The following NHSL2 variants were observed in gnomAD, a reference collection of about 807,000 sequenced individuals.
NHSL2 encodes the protein NHS-like protein 2.
Under a neutral mutation model 53.4 loss-of-function variants are expected in NHSL2, and 27 were observed. The observed-to-expected ratio is 0.51, with a 90% confidence interval of 0.37 to 0.70. The LOEUF (loss-of-function observed/expected upper bound fraction) is 0.70. Among genes scored for constraint, NHSL2 ranks in the 30% least tolerant of loss-of-function variants. The pLI, the probability that NHSL2 is intolerant of heterozygous loss-of-function variation, is 0.00. For missense variants in NHSL2, 892 were observed against 980.1 expected (o/e 0.91, Z 1.20); for synonymous variants, 408 against 404.1 (o/e 1.01, Z -0.12).
Position 72,139,870 on chromosome X carries a change from A to G in NHSL2, c.2322A>G (p.Pro774=), listed in dbSNP as rs1225353114. 4 of 1,208,525 alleles carry G rather than the reference A, an allele frequency of 3.3e-6. No homozygotes were observed. Among genetic ancestry groups the G allele is most frequent in the Non-Finnish European group, 3.4e-6 (3 of 894,414 alleles). Residue 774 remains proline (P), a synonymous_variant, in exon 6 of 8, where the codon CCA becomes CCG. Coordinates refer to ENST00000633930, the MANE Select transcript of NHSL2 (RefSeq NM_001013627.3). ...AGTCACGGCTATCATTTGACCTACC[A>G]CTGACCTCTTCACCCAACCTGGATC... The part of the protein sequence containing the change: ...FPKSRLSFDL[P]LTSSPNLDLS...
intron 1 of NHSL2, among the ~76,000 whole-genome samples, chrX:71,994,163 A>G (rs761863103): frequency 2.7e-5 from 3 of 111,121 alleles, no homozygotes; most frequent in Non-Finnish European, 5.6e-5. Flanking sequence ...TCTATTGACT[A>G]CTCTGGCAAA....
intron 1 of NHSL2, among the ~76,000 whole-genome samples, chrX:71,963,967 A>ATG (rs1411927632): frequency 4.8e-4 from 3 of 6,212 alleles, no homozygotes; most frequent in Non-Finnish European, 7.7e-3. Flanking sequence ...ATACACATAT[A>ATG]TATATACATA....
At chrX:72,004,302 G>A (rs1396471251) in intron 1 of NHSL2, among the ~76,000 whole-genome samples, 2 of 112,323 alleles carry the variant, frequency 1.8e-5, no homozygotes, top group Non-Finnish European at 3.8e-5. Context: ...TTTAGCAGCC[G>A]TCCTGTGAGA....
chrX:72,123,569 T>C (rs1312416447), intron 1 of NHSL2, among the ~76,000 whole-genome samples: 1 of 111,455 alleles, frequency 9.0e-6, no homozygotes, highest in Admixed American at 9.4e-5. Flanking sequence ...GGACACTCTT[T>C]CTGGCAAGCC....
intron 1 of NHSL2, among the ~76,000 whole-genome samples, chrX:72,038,075 G>A (rs1426888006): frequency 1.8e-5 from 2 of 112,174 alleles, no homozygotes; most frequent in East Asian, 5.6e-4. Context: ...TATGAGAGTG[G>A]GGTCTGGGAG....
chrX:72,086,555 G>A (rs190236736), intron 1 of NHSL2, among the ~76,000 whole-genome samples: 1 of 109,884 alleles, frequency 9.1e-6, no homozygotes, highest in African/African-American at 3.3e-5. Context: ...GTGGTGGCAG[G>A]TGCCTGTAAT....
At chrX:72,076,246 A>G (rs938531193) in intron 1 of NHSL2, among the ~76,000 whole-genome samples, 6 of 111,358 alleles carry the variant, frequency 5.4e-5, no homozygotes, top group Non-Finnish European at 9.4e-5. Context: ...CACAGTGTAT[A>G]TTATATATGG....
At chrX:72,131,154 C>T (rs1174679435) in intron 1 of NHSL2, 13 of 1,125,172 alleles carry the variant, frequency 1.2e-5, no homozygotes, top group African/African-American at 3.9e-5. Context: ...GAGGCAGCGC[C>T]GGCGGGGGCG....
At chrX:71,941,709 G>A (rs1057107954) in intron 1 of NHSL2, among the ~76,000 whole-genome samples, 1 of 112,316 alleles carries the variant, frequency 8.9e-6, no homozygotes, top group African/African-American at 3.2e-5. Context: ...TACTATGAAA[G>A]CAGGCACTGG....
At chrX:71,953,236 C>T (rs927417745) in intron 1 of NHSL2, among the ~76,000 whole-genome samples, 2 of 112,355 alleles carry the variant, frequency 1.8e-5, no homozygotes, top group African/African-American at 6.5e-5. Context: ...TCCCTGTATA[C>T]ATCCTCAAGG....
chrX:71,972,172 T>A (rs1489494899), intron 1 of NHSL2, among the ~76,000 whole-genome samples: 1 of 110,561 alleles, frequency 9.0e-6, no homozygotes, highest in Non-Finnish European at 1.9e-5. Flanking sequence ...GTAGCTGGGA[T>A]TACAGGTGCG....
chrX:71,949,317 G>C (rs2041809128), intron 1 of NHSL2, among the ~76,000 whole-genome samples: 1 of 111,071 alleles, frequency 9.0e-6, no homozygotes, highest in Non-Finnish European at 1.9e-5. Context: ...GGCATTTGAG[G>C]TGGGCTTCCT....
chrX:71,962,384 G>C (rs2041871425), intron 1 of NHSL2, among the ~76,000 whole-genome samples: 1 of 111,502 alleles, frequency 9.0e-6, no homozygotes, highest in Non-Finnish European at 1.9e-5. Context: ...AGAAGAATTG[G>C]TATCAATTAT....
intron 1 of NHSL2, chrX:72,131,515 T>C: frequency 4.2e-6 from 5 of 1,193,566 alleles, no homozygotes; most frequent in Non-Finnish European, 4.5e-6. Flanking sequence ...GCGGAGGCTG[T>C]TGAGATTTCC....
intron 1 of NHSL2, among the ~76,000 whole-genome samples, chrX:72,048,064 C>CATG (rs199842624): frequency 0.042 from 1,955 of 46,728 alleles, 49 homozygotes; most frequent in African/African-American, 0.12. Flanking sequence ...CTTTCACACT[C>CATG]ATGATGATAA....
intron 1 of NHSL2, among the ~76,000 whole-genome samples, chrX:72,088,870 G>A (rs1182967299): frequency 5.3e-5 from 6 of 112,291 alleles, no homozygotes; most frequent in African/African-American, 1.9e-4. Context: ...ACATGAAGAC[G>A]GCCTTTGTCT....
At chrX:72,044,553 G>T in intron 1 of NHSL2, 1 of 801,730 alleles carries the variant, frequency 1.2e-6, no homozygotes, top group Non-Finnish European at 1.9e-6. Flanking sequence ...AGATGACAAA[G>T]AAAAGAAGGA....
At chrX:72,038,119 A>G (rs73563859) in intron 1 of NHSL2, among the ~76,000 whole-genome samples, 1,784 of 112,018 alleles carry the variant, frequency 0.016, 39 homozygotes, top group African/African-American at 0.056. Flanking sequence ...GTCTTTGGAC[A>G]AGTCACTTTG....
intron 1 of NHSL2, among the ~76,000 whole-genome samples, chrX:72,102,077 C>T (rs377488597): frequency 3.7e-4 from 42 of 112,692 alleles, no homozygotes; most frequent in Middle Eastern, 9.2e-3. Context: ...GAGCCTGTCA[C>T]GTGCATGGGA....
Sources: allele counts gnomAD v4.1 joint callset (sites outside exome capture counted in the v4.1 genomes callset), GRCh38; gene constraint gnomAD v4.1.1; transcripts MANE v1.5; gene names NCBI Gene and HGNC (gene_info 2026-07-23, HGNC 2026-07-21).